CADM2: variants seen among roughly 807,000 people sequenced by gnomAD.
CADM2 encodes the protein cell adhesion molecule 2.
Under a neutral mutation model 49.8 loss-of-function variants are expected in CADM2, and 12 were observed. The observed-to-expected ratio is 0.24, with a 90% CI of 0.15 to 0.39. CADM2 has a LOEUF of 0.39. CADM2 is among the 10% of genes least tolerant of loss of function. The probability of loss-of-function intolerance (pLI) is 1.00; values close to 1 mark genes in which losing one functional copy is unlikely to be tolerated. For missense variants in CADM2, 378 were observed against 492.3 expected, an observed-to-expected ratio of 0.77 and a Z score of 2.20; for synonymous variants, 214 against 175.4, an observed-to-expected ratio of 1.22 and a Z score of -1.74.
At chr3:85,853,586 T>A (rs1295125483) in intron 3 of CADM2, among the ~76,000 whole-genome samples, 16 of 152,000 alleles carry the variant, frequency 1.1e-4, no homozygotes, top group African/African-American at 3.9e-4. Context: ...CTTATAAATT[T>A]GTAATACTTC....
intron 1 of CADM2, among the ~76,000 whole-genome samples, chr3:85,615,802 G>A (rs915741278): frequency 4.0e-5 from 6 of 151,790 alleles, no homozygotes; most frequent in Admixed American, 6.6e-5. Flanking sequence ...ATATTCACAG[G>A]TAGTCACATG....
intron 1 of CADM2, among the ~76,000 whole-genome samples, chr3:85,454,152 C>T (rs969928032): frequency 3.3e-5 from 5 of 151,972 alleles, no homozygotes; most frequent in East Asian, 3.9e-4. Context: ...GGCAGGAGTT[C>T]AAGACTAGCC....
intron 2 of CADM2, among the ~76,000 whole-genome samples, chr3:85,746,374 C>G (rs758122328): frequency 6.6e-6 from 1 of 152,194 alleles, no homozygotes; most frequent in African/African-American, 2.4e-5. Context: ...GTGTTTTTCT[C>G]CACCTACTCA....
intron 1 of CADM2, among the ~76,000 whole-genome samples, chr3:85,115,535 A>T (rs921223144): frequency 6.6e-6 from 1 of 152,146 alleles, no homozygotes; most frequent in African/African-American, 2.4e-5. Context: ...GGGCTCTTGC[A>T]GTCAATTCGG....
chr3:85,718,863 TAGAGG>T (rs1336535050), intron 1 of CADM2, among the ~76,000 whole-genome samples: 1 of 148,680 alleles, frequency 6.7e-6, no homozygotes, highest in Non-Finnish European at 1.5e-5. Context: ...ATTTATTTTA[TAGAGG>T]AAATTAATGG....
rs549408646 is a variant in CADM2 at position 85,912,010 on chromosome 3, C to T, written c.530-363C>T. Among the ~76,000 whole-genome samples, 233 of 151,520 alleles carry T rather than the reference C, an allele frequency of 1.5e-3. 2 individuals are homozygous for T. Among genetic ancestry groups the T allele is most frequent in the African/African-American group, 5.6e-3 (230 of 41,290 alleles). ...AGGCTGGAGTGCAGTGGCGCCATCT[C>T]TGCTCACTCTGCAAGCTCTGCCTCC... On this transcript the variant is annotated intron_variant, in intron 5 of 9. Transcript: ENST00000383699.
intron 1 of CADM2, among the ~76,000 whole-genome samples, chr3:85,193,042 G>T (rs935590979): frequency 6.6e-6 from 1 of 152,066 alleles, no homozygotes; most frequent in African/African-American, 2.4e-5. Flanking sequence ...TAAGCCTAAA[G>T]TAATGAATGT....
chr3:85,286,149 C>A (rs1424156785), intron 1 of CADM2, among the ~76,000 whole-genome samples: 2 of 152,106 alleles, frequency 1.3e-5, no homozygotes, highest in African/African-American at 2.4e-5. Context: ...CTTCTCGCCC[C>A]TTTCAAGAAC....
chr3:84,965,454 A>G (rs963634792), intron 1 of CADM2, among the ~76,000 whole-genome samples: 1 of 152,208 alleles, frequency 6.6e-6, no homozygotes, highest in African/African-American at 2.4e-5. Flanking sequence ...ACCAGAAATG[A>G]TCCAGAGTAT....
At chr3:85,964,566 C>T (rs1020163773) in intron 8 of CADM2, among the ~76,000 whole-genome samples, 1 of 151,730 alleles carries the variant, frequency 6.6e-6, no homozygotes, top group Non-Finnish European at 1.5e-5. Context: ...ACTGGTGATT[C>T]CCCCACTCCC....
At chr3:86,027,929 T>G (rs1734092527) in intron 8 of CADM2, 1 of 151,698 alleles carries the variant, frequency 6.6e-6, no homozygotes, top group Non-Finnish European at 1.5e-5. Context: ...AGTATCTGTA[T>G]TGTCACATTA....
chr3:85,364,195 G>T (rs928985014), intron 1 of CADM2, among the ~76,000 whole-genome samples: 5 of 152,078 alleles, frequency 3.3e-5, no homozygotes, highest in African/African-American at 9.7e-5. Context: ...TAAATGAATG[G>T]TTTTTAAGAG....
chr3:85,745,760 G>T (rs1242467544), intron 2 of CADM2, among the ~76,000 whole-genome samples: 1 of 152,118 alleles, frequency 6.6e-6, no homozygotes, highest in African/African-American at 2.4e-5. Flanking sequence ...AGCTACTCAG[G>T]AGGCTGAGGT....
chr3:85,726,317 TCTTA>T (rs1367433330), intron 1 of CADM2, among the ~76,000 whole-genome samples: 1 of 152,062 alleles, frequency 6.6e-6, no homozygotes. Context: ...TCCTGTCTGC[TCTTA>T]CTTTGTCTTA....
rs551761283 is a variant in CADM2 at position 85,609,959 on chromosome 3, C to G, written c.62-116563C>G. ...AAGAGGCACTACATTTTTTTTTAAA[C>G]TCCACGATAGAACTGTACACATTTG... On this transcript the variant is annotated intron_variant, in intron 1 of 9. Transcript: ENST00000383699. Among the ~76,000 whole-genome samples, 15 of 152,022 alleles carry G rather than the reference C, an allele frequency of 9.9e-5. No individual in the cohort carries two copies. In the South Asian group the frequency reaches 2.7e-3, roughly 27 times the overall value.
intron 1 of CADM2, among the ~76,000 whole-genome samples, chr3:85,633,842 A>T (rs147935728): frequency 2.0e-5 from 3 of 152,080 alleles, no homozygotes; most frequent in Non-Finnish European, 4.4e-5. Flanking sequence ...TCAATTTTGT[A>T]TAATATAACA....
In CADM2 at chr3:85,366,352, G is replaced by GT. The variant is rs556191161; in HGVS notation, c.62-360166dup. On this transcript the variant is annotated intron_variant, in intron 1 of 9. Transcript: ENST00000383699. Reference sequence around the variant, plus strand: ...ATTACACACCTGCGGAGATTTTGGTGTTTTATTTCTCTTGGGTGAAACTGC... The same window carrying GT: ...ATTACACACCTGCGGAGATTTTGGTGTTTTTATTTCTCTTGGGTGAAACTGC... Among the ~76,000 whole-genome samples, 95 of 152,248 alleles carry GT rather than the reference G, an allele frequency of 6.2e-4. 1 individual carries two copies. Among genetic ancestry groups the GT allele is most frequent in the African/African-American group, 2.0e-3 (85 of 41,552 alleles).
At chr3:86,033,669 A>ATG (rs1371336622) in intron 8 of CADM2, among the ~76,000 whole-genome samples, 2 of 124,992 alleles carry the variant, frequency 1.6e-5, no homozygotes, top group African/African-American at 5.1e-5. Context: ...GTTTATATAT[A>ATG]TGTATATATA....
chr3:85,852,785 A>G (rs1048996786), intron 3 of CADM2, among the ~76,000 whole-genome samples: 1 of 152,024 alleles, frequency 6.6e-6, no homozygotes, highest in Non-Finnish European at 1.5e-5. Flanking sequence ...GAACCTATAC[A>G]CTTTGAATTA....
Sources: allele counts gnomAD v4.1 joint callset (sites outside exome capture counted in the v4.1 genomes callset), GRCh38; gene constraint gnomAD v4.1.1; transcripts MANE v1.5; gene names NCBI Gene and HGNC (gene_info 2026-07-23, HGNC 2026-07-21).